GRM5: variants seen among roughly 807,000 people sequenced by gnomAD.
GRM5 encodes glutamate metabotropic receptor 5.
Under a neutral mutation model 83.1 loss-of-function variants are expected in GRM5, and 19 were observed. That is an observed-to-expected ratio of 0.23 (90% CI 0.16 to 0.34). The LOEUF is 0.34. Among genes scored for constraint, GRM5 ranks in the 10% least tolerant of loss-of-function variants. GRM5 has a pLI of 1.00. For synonymous variants in GRM5, 675 were observed against 633.6 expected (o/e 1.07, Z -0.98); for missense variants, 1,160 against 1,588.3 (o/e 0.73, Z 4.58).
chr11:88,742,655 G>T (rs1383833442), intron 3 of GRM5, among the ~76,000 whole-genome samples: 1 of 152,118 alleles, frequency 6.6e-6, no homozygotes, highest in African/African-American at 2.4e-5. Context: ...CACAGAGAAA[G>T]TCCTTCAAAG....
At chr11:88,843,772 G>T (rs1764837455) in intron 3 of GRM5, among the ~76,000 whole-genome samples, 1 of 152,224 alleles carries the variant, frequency 6.6e-6, no homozygotes, top group Non-Finnish European at 1.5e-5. Flanking sequence ...ATAAGAAAGA[G>T]AAACAGCCTT....
intron 4 of GRM5, among the ~76,000 whole-genome samples, chr11:88,644,749 G>A (rs1407197363): frequency 6.6e-6 from 1 of 152,102 alleles, no homozygotes; most frequent in Non-Finnish European, 1.5e-5. Flanking sequence ...CACATGAAGT[G>A]GAGAGAAACT....
intron 3 of GRM5, among the ~76,000 whole-genome samples, chr11:88,753,589 T>C (rs1942329643): frequency 6.6e-6 from 1 of 152,126 alleles, no homozygotes. Context: ...CTCAAAGGAA[T>C]ATAAACCATT....
intron 3 of GRM5, among the ~76,000 whole-genome samples, chr11:88,785,653 C>G (rs1943055275): frequency 6.6e-6 from 1 of 151,996 alleles, no homozygotes; most frequent in Admixed American, 6.6e-5. Flanking sequence ...AGTTCTTTGG[C>G]CTAGTTAGTC....
intron 7 of GRM5, among the ~76,000 whole-genome samples, chr11:88,570,567 A>AT (rs1942969307): frequency 2.8e-5 from 2 of 71,600 alleles, no homozygotes; most frequent in Non-Finnish European, 2.4e-5. Flanking sequence ...ATATATATAT[A>AT]TATATTTTTT....
At chr11:88,735,841 G>T (rs2135411190) in intron 3 of GRM5, among the ~76,000 whole-genome samples, 1 of 152,132 alleles carries the variant, frequency 6.6e-6, no homozygotes, top group African/African-American at 2.4e-5. Flanking sequence ...TGCACAGCCA[G>T]CCACAGGCTC....
intron 2 of GRM5, among the ~76,000 whole-genome samples, chr11:89,022,486 C>CA (rs10573194): frequency 0.017 from 2,112 of 126,030 alleles, 34 homozygotes; most frequent in African/African-American, 0.04. Context: ...ACTAAAAATA[C>CA]AAAAAAAAAA....
intron 2 of GRM5, among the ~76,000 whole-genome samples, chr11:88,965,305 C>T (rs1456147526): frequency 6.6e-6 from 1 of 152,140 alleles, no homozygotes; most frequent in Non-Finnish European, 1.5e-5. Flanking sequence ...AGGTTGCAGA[C>T]TTCCCATTCT....
intron 3 of GRM5, among the ~76,000 whole-genome samples, chr11:88,768,453 G>T (rs1942665351): frequency 6.6e-6 from 1 of 151,802 alleles, no homozygotes; most frequent in Non-Finnish European, 1.5e-5. Flanking sequence ...AGGAGAGAAT[G>T]GATAGTTACT....
chr11:88,991,031 G>A (rs1435600657), intron 2 of GRM5, among the ~76,000 whole-genome samples: 1 of 152,206 alleles, frequency 6.6e-6, no homozygotes, highest in African/African-American at 2.4e-5. Flanking sequence ...GGCAGGAGAA[G>A]GAAATAAAGG....
chr11:88,641,757 T>G (rs1449976372), intron 4 of GRM5, among the ~76,000 whole-genome samples: 1 of 152,166 alleles, frequency 6.6e-6, no homozygotes, highest in African/African-American at 2.4e-5. Flanking sequence ...CTAGGGCATG[T>G]GGGTGCAAGG....
chr11:88,917,659 A>C (rs1351313510), intron 2 of GRM5, among the ~76,000 whole-genome samples: 2 of 152,162 alleles, frequency 1.3e-5, no homozygotes, highest in Non-Finnish European at 2.9e-5. Flanking sequence ...TAAAAACTCA[A>C]GCAGAAATTC....
chr11:88,778,988 T>A (rs12280441), intron 3 of GRM5, among the ~76,000 whole-genome samples: 4,708 of 152,304 alleles, frequency 0.031, 217 homozygotes, highest in African/African-American at 0.095. Context: ...GCTTATGCCA[T>A]GTAGACCAGT....
At chr11:88,911,277 A>G (rs1945494089) in intron 2 of GRM5, among the ~76,000 whole-genome samples, 1 of 152,154 alleles carries the variant, frequency 6.6e-6, no homozygotes, top group Non-Finnish European at 1.5e-5. Context: ...CATTTTTAAC[A>G]AGTCCTTCGC....
At chr11:88,634,489 A>G (rs1473413000) in intron 4 of GRM5, among the ~76,000 whole-genome samples, 1 of 152,050 alleles carries the variant, frequency 6.6e-6, no homozygotes, top group African/African-American at 2.4e-5. Context: ...GTTTTTGTTA[A>G]AAACCAAGAT....
chr11:88,937,897 G>C (rs1396661423), intron 2 of GRM5, among the ~76,000 whole-genome samples: 1 of 151,714 alleles, frequency 6.6e-6, no homozygotes, highest in African/African-American at 2.4e-5. Context: ...ATTTTCTAAA[G>C]AGGCAAACAG....
chr11:88,680,006 T>A (rs565741458), intron 3 of GRM5, among the ~76,000 whole-genome samples: 81 of 152,272 alleles, frequency 5.3e-4, no homozygotes, highest in African/African-American at 1.9e-3. Flanking sequence ...TTACACCAAA[T>A]GTAGTCTATT....
At chr11:88,705,124 C>A (rs1499033) in intron 3 of GRM5, among the ~76,000 whole-genome samples, 8,813 of 152,048 alleles carry the variant, frequency 0.058, 512 homozygotes, top group Admixed American at 0.15. Context: ...TTACCCATAT[C>A]ATAAAAGAAG....
At chr11:88,999,327 G>T (rs1431712667) in intron 2 of GRM5, among the ~76,000 whole-genome samples, 12 of 152,182 alleles carry the variant, frequency 7.9e-5, no homozygotes, top group Admixed American at 7.8e-4. Context: ...GAAAATTTTT[G>T]CAACCTACTC....
Sources: gnomAD v4.1 joint callset for allele counts (sites outside exome capture counted in the v4.1 genomes callset) on GRCh38, gnomAD v4.1.1 for gene constraint, MANE v1.5 for transcripts, NCBI Gene and HGNC (gene_info 2026-07-23, HGNC 2026-07-21) for gene names.